Variants in SPAG16 observed in about 807,000 individuals in gnomAD.
The protein encoded by SPAG16 is sperm associated antigen 16.
SPAG16 carries 86 observed loss-of-function variants against 80.4 expected under a neutral mutation model. The observed-to-expected ratio is 1.07, with a 90% confidence interval of 0.90 to 1.28. SPAG16 has a LOEUF of 1.28. SPAG16 is among the 50% of genes most tolerant of loss of function. SPAG16 has a pLI of 0.00. For synonymous variants in SPAG16, 294 were observed against 265.9 expected, an observed-to-expected ratio of 1.11 and a Z score of -1.03; for missense variants, 870 against 765.3, an observed-to-expected ratio of 1.14 and a Z score of -1.61.
intron 13 of SPAG16, among the ~76,000 whole-genome samples, chr2:214,102,507 A>G (rs2053121198): frequency 6.6e-6 from 1 of 152,078 alleles, no homozygotes; most frequent in African/African-American, 2.4e-5. Context: ...TGAGAAACCC[A>G]GGTTCCTTCC....
At chr2:213,937,204 A>C (rs1256213045) in intron 12 of SPAG16, among the ~76,000 whole-genome samples, 1 of 152,108 alleles carries the variant, frequency 6.6e-6, no homozygotes, top group African/African-American at 2.4e-5. Context: ...TTCATTTGCA[A>C]AGTTGGCTAT....
chr2:213,906,357 G>T (rs879097813), intron 11 of SPAG16, among the ~76,000 whole-genome samples: 1 of 152,020 alleles, frequency 6.6e-6, no homozygotes, highest in Admixed American at 6.6e-5. Flanking sequence ...ACTGATGAAA[G>T]AAATTGAACA....
chr2:214,341,652 T>G (rs186931075), intron 15 of SPAG16, among the ~76,000 whole-genome samples: 65 of 152,274 alleles, frequency 4.3e-4, no homozygotes, highest in African/African-American at 1.5e-3. Context: ...TGAGAGAAAA[T>G]ACTTTCAATC....
chr2:213,328,362 T>G (rs1304073061), intron 5 of SPAG16, among the ~76,000 whole-genome samples: 1 of 142,412 alleles, frequency 7.0e-6, no homozygotes, highest in Non-Finnish European at 1.6e-5. Flanking sequence ...CATTGATCCT[T>G]TTTCAAAACA....
chr2:213,567,270 T>C (rs2059804659), intron 10 of SPAG16, among the ~76,000 whole-genome samples: 1 of 144,096 alleles, frequency 6.9e-6, no homozygotes, highest in Non-Finnish European at 1.5e-5. Flanking sequence ...TTAGGGTACA[T>C]GTGCACATTG....
chr2:213,702,491 C>G (rs1051356413), intron 10 of SPAG16, among the ~76,000 whole-genome samples: 1 of 152,210 alleles, frequency 6.6e-6, no homozygotes, highest in African/African-American at 2.4e-5. Context: ...ACAAACAACT[C>G]CAGCCACACC....
chr2:213,588,068 G>A (rs188181131), intron 10 of SPAG16, among the ~76,000 whole-genome samples: 3 of 152,148 alleles, frequency 2.0e-5, no homozygotes, highest in Admixed American at 1.3e-4. Flanking sequence ...ATAATGGTTT[G>A]TTATTCAATC....
intron 10 of SPAG16, among the ~76,000 whole-genome samples, chr2:213,675,155 A>T (rs897398198): frequency 6.6e-6 from 1 of 152,186 alleles, no homozygotes; most frequent in African/African-American, 2.4e-5. Context: ...GCATGTTTTC[A>T]TGCGTATTTT....
intron 15 of SPAG16, among the ~76,000 whole-genome samples, chr2:214,287,000 T>C (rs1693414738): frequency 6.6e-6 from 1 of 152,220 alleles, no homozygotes; most frequent in Non-Finnish European, 1.5e-5. Context: ...TGAAAAGATA[T>C]ATTTGGAGAT....
At chr2:213,579,946 T>A (rs1287072400) in intron 10 of SPAG16, among the ~76,000 whole-genome samples, 1 of 152,156 alleles carries the variant, frequency 6.6e-6, no homozygotes, top group Non-Finnish European at 1.5e-5. Flanking sequence ...AGATTAACAT[T>A]GTTTATCTAA....
At chr2:213,833,649 G>C (rs1282785411) in intron 10 of SPAG16, among the ~76,000 whole-genome samples, 1 of 108,438 alleles carries the variant, frequency 9.2e-6, no homozygotes, top group Non-Finnish European at 1.8e-5. Flanking sequence ...TGCTCCTGTT[G>C]CACTGAGATA....
At chr2:213,821,470 T>A (rs551493856) in intron 10 of SPAG16, among the ~76,000 whole-genome samples, 3 of 152,148 alleles carry the variant, frequency 2.0e-5, no homozygotes, top group African/African-American at 7.2e-5. Flanking sequence ...ACATGGGATA[T>A]TTTGATACAT....
chr2:213,803,926 C>G (rs1012889196), intron 10 of SPAG16, among the ~76,000 whole-genome samples: 3 of 152,154 alleles, frequency 2.0e-5, no homozygotes, highest in African/African-American at 4.8e-5. Context: ...AACTTTTTAG[C>G]TTTGATCCTT....
At chr2:213,554,913 G>T (rs562352081) in intron 10 of SPAG16, among the ~76,000 whole-genome samples, 2 of 152,000 alleles carry the variant, frequency 1.3e-5, no homozygotes, top group African/African-American at 4.8e-5. Context: ...AGAGACCAGA[G>T]GTAGAAAGCT....
intron 1 of SPAG16, among the ~76,000 whole-genome samples, chr2:213,295,275 G>A (rs1217379693): frequency 6.6e-6 from 1 of 152,034 alleles, no homozygotes; most frequent in Non-Finnish European, 1.5e-5. Flanking sequence ...CATTGCTGGT[G>A]TGTGCTGTGA....
intron 15 of SPAG16, among the ~76,000 whole-genome samples, chr2:214,295,788 CA>C (rs111620248): frequency 1.3e-5 from 2 of 148,912 alleles, no homozygotes; most frequent in African/African-American, 2.5e-5. Context: ...AAGACTGTCT[CA>C]AAAAAAAAGG....
intron 12 of SPAG16, among the ~76,000 whole-genome samples, chr2:213,986,124 G>A (rs985720639): frequency 1.3e-5 from 2 of 152,056 alleles, no homozygotes; most frequent in African/African-American, 4.8e-5. Context: ...CAGACAAAGA[G>A]ACTTTGACTT....
At chr2:214,291,440 G>A (rs371563345) in intron 15 of SPAG16, among the ~76,000 whole-genome samples, 99 of 148,404 alleles carry the variant, frequency 6.7e-4, no homozygotes, top group African/African-American at 2.4e-3. Flanking sequence ...CAAGTAGCTG[G>A]GACTACAGGC....
chr2:213,953,796 C>T (rs1337304749), intron 12 of SPAG16, among the ~76,000 whole-genome samples: 1 of 151,736 alleles, frequency 6.6e-6, no homozygotes, highest in Admixed American at 6.6e-5. Flanking sequence ...GATAAAAAGG[C>T]ATCCTTTACA....
Sources: allele counts gnomAD v4.1 joint callset (sites outside exome capture counted in the v4.1 genomes callset), GRCh38; gene constraint gnomAD v4.1.1; transcripts MANE v1.5; gene names NCBI Gene and HGNC (gene_info 2026-07-23, HGNC 2026-07-21).